CCDC112: variants seen among roughly 807,000 people sequenced by gnomAD.
CCDC112 encodes coiled-coil domain-containing protein 112.
In CCDC112, 40 loss-of-function variants were observed where a neutral mutation model predicts 66.3. The ratio of observed to expected loss-of-function variants is 0.60; its 90% CI spans 0.47 to 0.79. The LOEUF is 0.79. CCDC112 is among the 30% of genes least tolerant of loss of function. The pLI, the probability that CCDC112 is intolerant of heterozygous loss-of-function variation, is 0.00. For missense variants in CCDC112, 659 were observed against 603.8 expected, an observed-to-expected ratio of 1.09 and a Z score of -0.96; for synonymous variants, 214 against 197.2, an observed-to-expected ratio of 1.09 and a Z score of -0.71.
At chr5:115,283,134 T>A (rs1226658202) in intron 2 of CCDC112, among the ~76,000 whole-genome samples, 5 of 152,168 alleles carry the variant, frequency 3.3e-5, no homozygotes, top group Admixed American at 2.0e-4. Flanking sequence ...TTTTTTCAAA[T>A]TCTGAATACT....
At chr5:115,293,971 A>C (rs3100784) in intron 1 of CCDC112, among the ~76,000 whole-genome samples, 136,667 of 152,180 alleles carry the variant, frequency 0.9, 61,572 homozygotes, top group African/African-American at 0.97. Flanking sequence ...AAGAGAACAG[A>C]TGGTAACAAG....
Position 115,267,930 on chromosome 5 carries a change from AAG to A in CCDC112, c.1548-14_1548-13del. 6.2e-7 allele frequency: 1 copy of A among 1,605,540 alleles called. No homozygotes were observed. Among genetic ancestry groups the A allele is most frequent in the Non-Finnish European group, 8.5e-7 (1 of 1,173,070 alleles). ...AGGTTGGAATAGCCCTAAGGAGAAA[AAG>A]AGAAAAGCAATTGTAAATATGTAGG... On this transcript the variant is annotated splice_polypyrimidine_tract_variant and intron_variant, in intron 9 of 9. Transcript: ENST00000379611.
intron 1 of CCDC112, among the ~76,000 whole-genome samples, chr5:115,288,697 C>T (rs1250379347): frequency 6.6e-6 from 1 of 152,202 alleles, no homozygotes; most frequent in African/African-American, 2.4e-5. Context: ...AACTAACCCC[C>T]ATCTATGGAA....
chr5:115,277,094 CAA>C lies in CCDC112; in HGVS notation c.362-42_362-41del, dbSNP rs761919643. On this transcript the variant is annotated intron_variant, in intron 3 of 9. Coordinates refer to ENST00000379611, the MANE Select transcript of CCDC112 (RefSeq NM_001040440.3). ...TATGCACTTTAAAATAATTCTGTGA[CAA>C]ATGTGGTTACAATTCAGGAATCTAC... 8.3e-6 allele frequency: 10 copies of C among 1,210,632 alleles called. No individual in the cohort carries two copies. In the South Asian group the frequency reaches 1.1e-4, roughly 13 times the overall value. 75.0% of individuals were successfully genotyped at this position (1,210,632 alleles called of 1,614,324 possible).
chr5:115,276,826 T>C (rs372590820), intron 4 of CCDC112, 139 bp downstream of exon 4: 10 of 536,094 alleles, frequency 1.9e-5, no homozygotes, highest in South Asian at 1.0e-4. Flanking sequence ...AATAAACTTA[T>C]TAAGTCCTAA....
intron 6 of CCDC112, among the ~76,000 whole-genome samples, chr5:115,273,980 T>C (rs1357960723): frequency 1.3e-5 from 2 of 152,192 alleles, no homozygotes; most frequent in African/African-American, 4.8e-5. Flanking sequence ...AATGCAGCTA[T>C]TCCCTCTAAA....
intron 1 of CCDC112, among the ~76,000 whole-genome samples, chr5:115,291,961 T>C (rs1749950027): frequency 6.6e-6 from 1 of 152,228 alleles, no homozygotes; most frequent in Non-Finnish European, 1.5e-5. Flanking sequence ...TTTATTACGA[T>C]GTGTCTAGAT....
At chr5:115,270,385 C>A (rs1302223815) in intron 7 of CCDC112, among the ~76,000 whole-genome samples, 1 of 152,092 alleles carries the variant, frequency 6.6e-6, no homozygotes, top group African/African-American at 2.4e-5. Context: ...CTCATTTGCA[C>A]CCTTTTTCAT....
At chr5:115,275,021 G>A (rs1179791207) in intron 6 of CCDC112, among the ~76,000 whole-genome samples, 195 bp downstream of exon 6, 1 of 152,154 alleles carries the variant, frequency 6.6e-6, no homozygotes, top group Non-Finnish European at 1.5e-5. Context: ...GGGATTACAG[G>A]TGTAAGCCAC....
intron 3 of CCDC112, among the ~76,000 whole-genome samples, chr5:115,277,454 T>C (rs1749256152): frequency 6.6e-6 from 1 of 152,216 alleles, no homozygotes; most frequent in South Asian, 2.1e-4. Context: ...AACTCTATTG[T>C]GGGAATATTA....
At chr5:115,284,529 T>A (rs1749594883) in intron 2 of CCDC112, among the ~76,000 whole-genome samples, 1 of 152,192 alleles carries the variant, frequency 6.6e-6, no homozygotes, top group Non-Finnish European at 1.5e-5. Context: ...AAGAAACAGC[T>A]ATTTTTTTTC....
intron 8 of CCDC112, 56 bp downstream of exon 8, chr5:115,269,647 C>T (rs1748915342): frequency 8.3e-7 from 1 of 1,206,196 alleles, no homozygotes; most frequent in African/African-American, 1.5e-5. Flanking sequence ...TGTCAGTATC[C>T]TTACAAATCA....
chr5:115,289,976 C>T (rs999179384), intron 1 of CCDC112, among the ~76,000 whole-genome samples: 4 of 152,220 alleles, frequency 2.6e-5, no homozygotes, highest in African/African-American at 7.2e-5. Flanking sequence ...AGCCACTGCA[C>T]GTGGCCTAAA....
rs1336635555 is a variant in CCDC112 at position 115,269,707 on chromosome 5, T to C, written c.1424A>G (p.Glu475Gly). Residue 475 changes from glutamate (E) to glycine (G), a missense_variant, in exon 8 of 10, where the codon GAA becomes GGA. Physicochemically the swap from Glu to Gly is moderately conservative, Grantham distance 98 (BLOSUM62 -2). Coordinates refer to ENST00000379611, the MANE Select transcript of CCDC112 (RefSeq NM_001040440.3). ...AATAATCTCGGTGCAGAGTACCTTT[T>C]CTTTTAATTTTGCCAGTCTTCTTTG... is the stretch of plus-strand genomic sequence containing the variant. ...QKQRRLAKLKEKVENNVSRDP... is the reference protein window; with the variant it reads ...QKQRRLAKLKGKVENNVSRDP... 3.8e-6 allele frequency: 6 copies of C among 1,591,364 alleles called. No homozygotes were observed. The highest frequency in any genetic ancestry group is 5.1e-6 in the Non-Finnish European group (6 of 1,167,422).
Position 115,288,032 on chromosome 5 carries a change from G to T in CCDC112, c.118-3124C>A, listed in dbSNP as rs1484543723. Among the ~76,000 whole-genome samples, 5 of 150,416 alleles carry T rather than the reference G, an allele frequency of 3.3e-5. No homozygotes were observed. In the Admixed American group the frequency reaches 3.3e-4, roughly 10 times the overall value. ...TTTTGCTCTTGTCATCCAGGCTGGAGTACATTGGTACCATATTGGCTCGCT... is the reference window on the plus strand; with the variant it reads ...TTTTGCTCTTGTCATCCAGGCTGGATTACATTGGTACCATATTGGCTCGCT... On this transcript the variant is annotated intron_variant, in intron 1 of 9. Coordinates refer to ENST00000379611, the MANE Select transcript of CCDC112 (RefSeq NM_001040440.3).
intron 1 of CCDC112, chr5:115,296,131 C>T (rs1750145843): frequency 8.8e-7 from 1 of 1,131,692 alleles, no homozygotes; most frequent in South Asian, 3.5e-5. Flanking sequence ...TTACTATTCC[C>T]AATTTTTAGA....
At chr5:115,292,613 A>G (rs1749982478) in intron 1 of CCDC112, among the ~76,000 whole-genome samples, 1 of 152,238 alleles carries the variant, frequency 6.6e-6, no homozygotes, top group African/African-American at 2.4e-5. Flanking sequence ...AACTCCAAAA[A>G]TGAGATTCTC....
chr5:115,271,555 G>C lies in CCDC112; in HGVS notation c.990C>G (p.Asp330Glu). The C allele has an allele frequency of 6.3e-7, 1 of 1,591,536 alleles. No homozygotes were observed. The highest frequency in any genetic ancestry group is 8.5e-7 in the Non-Finnish European group (1 of 1,173,794). ...EEIFKLKEKA[D>E]NTPVLFHNKQ... Reference sequence around the variant, plus strand: ...TATTATGAAAAAGCACAGGTGTGTTGTCTGCCTTTTCCTTTAACTTGAAAA... The same window carrying C: ...TATTATGAAAAAGCACAGGTGTGTTCTCTGCCTTTTCCTTTAACTTGAAAA... The change falls in exon 7 of 10, where the codon GAC becomes GAG. Residue 330 changes from aspartate (D) to glutamate (E), a missense_variant. Physicochemically the swap from Asp to Glu is conservative, Grantham distance 45 (BLOSUM62 2). Coordinates refer to ENST00000379611, the MANE Select transcript of CCDC112 (RefSeq NM_001040440.3).
chr5:115,276,864 A>G, intron 4 of CCDC112, 101 bp downstream of exon 4: 1 of 687,714 alleles, frequency 1.5e-6, no homozygotes, highest in Non-Finnish European at 2.4e-6. Flanking sequence ...AGCTCCATTA[A>G]TAAACTTAAG....
Sources: gnomAD v4.1 joint callset for allele counts (sites outside exome capture counted in the v4.1 genomes callset) on GRCh38, gnomAD v4.1.1 for gene constraint, MANE v1.5 for transcripts, NCBI Gene and HGNC (gene_info 2026-07-23, HGNC 2026-07-21) for gene names.